Variants in C12orf60 observed in about 807,000 individuals in gnomAD.
The protein encoded by C12orf60 is chromosome 12 open reading frame 60.
For synonymous variants in C12orf60, 102 were observed against 94.6 expected, an observed-to-expected ratio of 1.08 and a Z score of -0.45; for missense variants, 284 against 283.2, an observed-to-expected ratio of 1.00 and a Z score of -0.02.
chr12:14,810,990 A>G (rs1274273307), intron 1 of C12orf60, among the ~76,000 whole-genome samples: 2 of 152,214 alleles, frequency 1.3e-5, no homozygotes, highest in African/African-American at 4.8e-5. Flanking sequence ...TCTGAGCCAT[A>G]TACTTTCTCC....
At chr12:14,811,555 G>C (rs1456644833) in intron 1 of C12orf60, among the ~76,000 whole-genome samples, 1 of 152,240 alleles carries the variant, frequency 6.6e-6, no homozygotes, top group Non-Finnish European at 1.5e-5. Flanking sequence ...GTTAGCTTGA[G>C]ATGGATGCTT....
intron 1 of C12orf60, among the ~76,000 whole-genome samples, chr12:14,812,561 A>AT (rs1950158062): frequency 6.6e-6 from 1 of 152,006 alleles, no homozygotes; most frequent in African/African-American, 2.4e-5. Flanking sequence ...ATACCCACAG[A>AT]TTTTTTTTCC....
intron 1 of C12orf60, among the ~76,000 whole-genome samples, chr12:14,810,003 C>T (rs1037374012): frequency 3.3e-5 from 5 of 152,184 alleles, no homozygotes; most frequent in African/African-American, 1.2e-4. Context: ...CTTGCACTTG[C>T]GCTTAGACTC....
At chr12:14,818,868 A>G (rs1950265747) in intron 1 of C12orf60, among the ~76,000 whole-genome samples, 1 of 152,172 alleles carries the variant, frequency 6.6e-6, no homozygotes, top group Non-Finnish European at 1.5e-5. Flanking sequence ...TCTACATATC[A>G]CCAATACTAC....
At chr12:14,806,214 C>T in intron 1 of C12orf60, 1 of 1,614,116 alleles carries the variant, frequency 6.2e-7, no homozygotes, top group Non-Finnish European at 8.5e-7. Context: ...GAGAGAAGCA[C>T]CAATTTGAGC....
At chr12:14,817,137 A>C (rs1950233861) in intron 1 of C12orf60, among the ~76,000 whole-genome samples, 1 of 152,190 alleles carries the variant, frequency 6.6e-6, no homozygotes, top group African/African-American at 2.4e-5. Context: ...AGGACTAATC[A>C]GCTAACCAAA....
intron 1 of C12orf60, chr12:14,805,130 T>A (rs1317882182): frequency 6.6e-6 from 1 of 152,226 alleles, no homozygotes; most frequent in Non-Finnish European, 1.5e-5. Context: ...TTTGCTAGTG[T>A]TGAAAATGAA....
Position 14,823,902 on chromosome 12 carries a change from A to C in C12orf60, c.*229A>C, listed in dbSNP as rs964268346. 1 of 342,044 alleles carries C rather than the reference A, an allele frequency of 2.9e-6. No homozygotes were observed. Among genetic ancestry groups the C allele is most frequent in the African/African-American group, 2.1e-5 (1 of 46,970 alleles). 21.2% of individuals were successfully genotyped at this position (342,044 alleles called of 1,614,324 possible). A position where few individuals can be genotyped will look rare whatever the true frequency, so the allele number is the denominator to read the frequency against. ...TCACTAAGAAGAATATATTGTTGAA[A>C]AAAACAAAGTGGTATTACATTTGAG... On this transcript the variant is annotated 3_prime_UTR_variant, in exon 2 of 2. Transcript: ENST00000330828.
chr12:14,813,619 G>A (rs1356977035), intron 1 of C12orf60, among the ~76,000 whole-genome samples: 2 of 152,168 alleles, frequency 1.3e-5, no homozygotes, highest in East Asian at 1.9e-4. Context: ...CCCTCAAGAC[G>A]ATAACAGCCT....
chr12:14,822,830 A>T, intron 1 of C12orf60, 82 bp from the exon 2 acceptor site: 1 of 1,231,116 alleles, frequency 8.1e-7, no homozygotes. Context: ...AGTTATCTTC[A>T]TATTTAGACT....
intron 1 of C12orf60, chr12:14,806,733 TA>T: frequency 2.6e-6 from 4 of 1,518,276 alleles, no homozygotes; most frequent in Non-Finnish European, 3.5e-6. Context: ...CTGAAAGTCT[TA>T]AAAAATGTCT....
At chr12:14,810,373 T>A (rs1950117673) in intron 1 of C12orf60, among the ~76,000 whole-genome samples, 5 of 152,094 alleles carry the variant, frequency 3.3e-5, no homozygotes. Flanking sequence ...ACAGGTGAAG[T>A]TTGAAGAGCT....
At chr12:14,821,865 CA>C (rs532015556) in intron 1 of C12orf60, among the ~76,000 whole-genome samples, 204 of 151,958 alleles carry the variant, frequency 1.3e-3, no homozygotes, top group African/African-American at 4.6e-3. Flanking sequence ...ACCATCCCTG[CA>C]CCACAGTTGC....
At chr12:14,808,886 G>C (rs1950095032) in intron 1 of C12orf60, among the ~76,000 whole-genome samples, 1 of 152,152 alleles carries the variant, frequency 6.6e-6, no homozygotes, top group Admixed American at 6.5e-5. Flanking sequence ...ATTGCTTGTT[G>C]ATGATCCAGT....
chr12:14,823,005 C>T lies in C12orf60; in HGVS notation c.70C>T (p.Gln24Ter). 6.2e-7 allele frequency: 1 copy of T among 1,611,636 alleles called. No homozygotes were observed. Among genetic ancestry groups the T allele is most frequent in the Non-Finnish European group, 8.5e-7 (1 of 1,177,914 alleles). Reference sequence around the variant, plus strand: ...TGCCAAAATGTTCTTCTTTCATGTACAAGATCTTGCTTCTGTCATAAACAC... The same window carrying T: ...TGCCAAAATGTTCTTCTTTCATGTATAAGATCTTGCTTCTGTCATAAACAC... The part of the protein sequence containing the change: ...QAAKMFFFHV[Q>*]DLASVINTLT... Residue 24 changes from glutamine (Q) to a stop codon, truncating the protein, a stop_gained, in exon 2 of 2, where the codon CAA becomes TAA. Transcript: ENST00000330828. LOFTEE classifies it low-confidence loss of function (END_TRUNC).
At chr12:14,816,146 G>A (rs1419554021) in intron 1 of C12orf60, among the ~76,000 whole-genome samples, 1 of 152,000 alleles carries the variant, frequency 6.6e-6, no homozygotes, top group African/African-American at 2.4e-5. Context: ...TTTTCTTAGT[G>A]TAGATCTTGG....
At chr12:14,817,733 A>G (rs1950243180) in intron 1 of C12orf60, among the ~76,000 whole-genome samples, 1 of 152,118 alleles carries the variant, frequency 6.6e-6, no homozygotes, top group South Asian at 2.1e-4. Flanking sequence ...TCTATCATTG[A>G]TGGGCATTTG....
intron 1 of C12orf60, among the ~76,000 whole-genome samples, chr12:14,812,611 A>G (rs1181458729): frequency 6.6e-6 from 1 of 152,164 alleles, no homozygotes; most frequent in Non-Finnish European, 1.5e-5. Context: ...AGTACCTAGA[A>G]GAATTACATA....
At chr12:14,806,029 T>C in intron 1 of C12orf60, 2 of 1,613,526 alleles carry the variant, frequency 1.2e-6, no homozygotes, top group South Asian at 1.1e-5. Context: ...TTCACTGTAT[T>C]GATGACCTCA....
Sources: allele counts gnomAD v4.1 joint callset (sites outside exome capture counted in the v4.1 genomes callset), GRCh38; gene constraint gnomAD v4.1.1; transcripts MANE v1.5; gene names NCBI Gene and HGNC (gene_info 2026-07-23, HGNC 2026-07-21).